Variants in MAN1A1 observed in about 807,000 individuals in gnomAD.
The protein encoded by MAN1A1 is mannosidase alpha class 1A member 1.
Under a neutral mutation model 70.8 loss-of-function variants are expected in MAN1A1, and 29 were observed. The ratio of observed to expected loss-of-function variants is 0.41; its 90% confidence interval spans 0.31 to 0.56. MAN1A1 has a LOEUF of 0.56. MAN1A1 is among the 20% of genes least tolerant of loss of function. The pLI, the probability that MAN1A1 is intolerant of heterozygous loss-of-function variation, is 0.29. For missense variants in MAN1A1, 747 were observed against 841.3 expected (o/e 0.89, Z 1.39); for synonymous variants, 349 against 330.1 (o/e 1.06, Z -0.62).
intron 7 of MAN1A1, among the ~76,000 whole-genome samples, chr6:119,204,315 A>C (rs1412467661): frequency 6.6e-6 from 1 of 152,212 alleles, no homozygotes; most frequent in Non-Finnish European, 1.5e-5. Context: ...AAGCAGGTTG[A>C]AAATAAAAGT....
At chr6:119,334,688 C>T (rs1033196317) in intron 2 of MAN1A1, among the ~76,000 whole-genome samples, 8 of 152,202 alleles carry the variant, frequency 5.3e-5, no homozygotes, top group African/African-American at 1.7e-4. Context: ...ATCTCTGCTG[C>T]CAATGTAGTT....
chr6:119,184,068 T>C (rs1055662356), intron 11 of MAN1A1, among the ~76,000 whole-genome samples: 2 of 152,062 alleles, frequency 1.3e-5, no homozygotes, highest in Non-Finnish European at 2.9e-5. Flanking sequence ...CGCAAAAGTC[T>C]AGATTTTAAG....
chr6:119,319,919 G>A (rs865784640), intron 2 of MAN1A1, among the ~76,000 whole-genome samples: 1 of 151,854 alleles, frequency 6.6e-6, no homozygotes, highest in Admixed American at 6.6e-5. Flanking sequence ...ATATGCTGTC[G>A]CAGTGGTTGT....
chr6:119,205,567 C>G (rs1343385552), intron 6 of MAN1A1, among the ~76,000 whole-genome samples: 2 of 152,126 alleles, frequency 1.3e-5, no homozygotes, highest in African/African-American at 4.8e-5. Flanking sequence ...GCTTCATGGC[C>G]TTTCTTGGAG....
At chr6:119,342,304 T>C (rs1429586943) in intron 2 of MAN1A1, among the ~76,000 whole-genome samples, 1 of 152,204 alleles carries the variant, frequency 6.6e-6, no homozygotes. Context: ...AACTTCATTA[T>C]CCACTTTCCT....
chr6:119,259,549 G>T (rs533405464), intron 5 of MAN1A1, among the ~76,000 whole-genome samples: 1 of 152,268 alleles, frequency 6.6e-6, no homozygotes, highest in East Asian at 1.9e-4. Context: ...TAGGCAGGTG[G>T]TTTGTTATTT....
rs185503137 is a variant in MAN1A1 at position 119,329,971 on chromosome 6, C to T, written c.603+18492G>A. On this transcript the variant is annotated intron_variant, in intron 2 of 12. Transcript: ENST00000368468. ...CTGCTGAGACTCACTCCTTCAAATA[C>T]TGAATATCTAAAAATGCTCCAGAGT... Among the ~76,000 whole-genome samples, 5 of 152,242 alleles carry T rather than the reference C, an allele frequency of 3.3e-5. No individual in the cohort carries two copies. The East Asian group carries it at 9.7e-4, about 29-fold the overall frequency.
chr6:119,206,424 C>G (rs17442182), intron 6 of MAN1A1, among the ~76,000 whole-genome samples: 6,568 of 152,286 alleles, frequency 0.043, 189 homozygotes, highest in East Asian at 0.082. Context: ...ATGAGGATTA[C>G]TGGCGCTTGC....
Position 119,209,090 on chromosome 6 carries a change from C to CCAA in MAN1A1, c.993-4209_993-4208insTTG, listed in dbSNP as rs1554204284. Among the ~76,000 whole-genome samples the CCAA allele has an allele frequency of 9.0e-5, 8 of 89,076 alleles. 1 individual carries two copies. The highest frequency in any genetic ancestry group is 1.3e-4 in the Admixed American group (1 of 7,690). The allele number at this position is 89,076 out of a possible 152,430, so 58.4% of individuals were successfully genotyped here. On this transcript the variant is annotated intron_variant, in intron 6 of 12. Coordinates refer to ENST00000368468, the MANE Select transcript of MAN1A1 (RefSeq NM_005907.4). ...AGGGTGATAGAGTAAGACCCCGTCT[C>CCAA]AAAAAAAAAAAAAAAAAAAGGTATA...
Position 119,348,833 on chromosome 6 carries a change from G to A in MAN1A1, c.233C>T (p.Pro78Leu), listed in dbSNP as rs759889486. The change falls in exon 2 of 13, where the codon CCC becomes CTC. Residue 78 changes from proline to leucine, a missense_variant. By Grantham distance (98) the Pro-to-Leu change is moderately conservative (BLOSUM62 -3). Around this residue, in one of 2 missense-constraint regions of MAN1A1, gnomAD observed 328 missense variants for 293.1 expected, o/e 1.12. Coordinates refer to ENST00000368468, the MANE Select transcript of MAN1A1 (RefSeq NM_005907.4). The part of the protein sequence containing the change: ...LLSGVLFHSS[P>L]ALQPAADHKP... ...GTGGTCGGCGGCCGGCTGCAAGGCGGGGCTGGAGTGGAACAGGACCCCGCT... is the reference window on the plus strand; with the variant it reads ...GTGGTCGGCGGCCGGCTGCAAGGCGAGGCTGGAGTGGAACAGGACCCCGCT... 2.0e-6 allele frequency: 3 copies of A among 1,491,194 alleles called. No homozygotes were observed. The highest frequency in any genetic ancestry group is 2.8e-5 in the East Asian group (1 of 35,496). 92.4% of individuals were successfully genotyped at this position (1,491,194 alleles called of 1,614,324 possible).
chr6:119,240,245 C>T (rs542705760), intron 6 of MAN1A1, among the ~76,000 whole-genome samples: 54 of 152,300 alleles, frequency 3.5e-4, no homozygotes, highest in Middle Eastern at 3.4e-3. Flanking sequence ...TCTAAATTCT[C>T]TACACATCAC....
At chr6:119,244,495 A>G (rs1341457836) in intron 6 of MAN1A1, among the ~76,000 whole-genome samples, 2 of 152,132 alleles carry the variant, frequency 1.3e-5, no homozygotes, top group African/African-American at 4.8e-5. Context: ...TGAATTAAGA[A>G]TTCTTATTGG....
At chr6:119,257,580 TA>T (rs1442307212) in intron 5 of MAN1A1, among the ~76,000 whole-genome samples, 5 of 152,250 alleles carry the variant, frequency 3.3e-5, no homozygotes, top group East Asian at 1.9e-4. Context: ...TAGGGTCCTT[TA>T]AAAAAATTTT....
At chr6:119,303,181 G>T (rs1772440677) in intron 3 of MAN1A1, among the ~76,000 whole-genome samples, 1 of 151,986 alleles carries the variant, frequency 6.6e-6, no homozygotes, top group South Asian at 2.1e-4. Context: ...ACCATGCCTG[G>T]CTAATTTTAA....
intron 6 of MAN1A1, among the ~76,000 whole-genome samples, chr6:119,214,200 G>A (rs1271727821): frequency 6.6e-6 from 1 of 151,926 alleles, no homozygotes; most frequent in Non-Finnish European, 1.5e-5. Context: ...TCCTGACCTC[G>A]TGATCTGCCC....
chr6:119,229,573 CTTCAAGCAT>C (rs1774619030), intron 6 of MAN1A1, among the ~76,000 whole-genome samples: 1 of 152,142 alleles, frequency 6.6e-6, no homozygotes, highest in Non-Finnish European at 1.5e-5. Flanking sequence ...TGCAGTTGAG[CTTCAAGCAT>C]TTTTGACTGA....
At chr6:119,291,136 G>T (rs1776531703) in intron 4 of MAN1A1, among the ~76,000 whole-genome samples, 1 of 151,910 alleles carries the variant, frequency 6.6e-6, no homozygotes, top group South Asian at 2.1e-4. Context: ...ACTGAATCAT[G>T]GGGAGGGGTC....
intron 5 of MAN1A1, among the ~76,000 whole-genome samples, chr6:119,290,222 A>T (rs914880912): frequency 6.6e-6 from 1 of 152,034 alleles, no homozygotes; most frequent in Non-Finnish European, 1.5e-5. Flanking sequence ...AGGACTGTTT[A>T]CTTGGTAGCT....
chr6:119,249,564 C>G (rs1582735013), intron 5 of MAN1A1, among the ~76,000 whole-genome samples: 1 of 152,142 alleles, frequency 6.6e-6, no homozygotes, highest in African/African-American at 2.4e-5. Context: ...GCTGGAGGAG[C>G]CCTGAAGAGC....
Sources: allele counts gnomAD v4.1 joint callset (sites outside exome capture counted in the v4.1 genomes callset), GRCh38; gene constraint gnomAD v4.1.1; regional missense constraint gnomAD v4.1.1; transcripts MANE v1.5; gene names NCBI Gene and HGNC (gene_info 2026-07-23, HGNC 2026-07-21).